Variants in PTPN4 observed in about 807,000 individuals in gnomAD.
PTPN4 encodes the protein tyrosine-protein phosphatase non-receptor type 4.
In PTPN4, 49 loss-of-function variants were observed where a neutral mutation model predicts 135.5. The observed-to-expected ratio is 0.36, with a 90% CI of 0.29 to 0.46. The LOEUF is 0.46. PTPN4 is among the 20% of genes least tolerant of loss of function. The pLI is 1.00. For missense variants in PTPN4, 860 were observed against 1,101.0 expected (o/e 0.78, Z 3.10); for synonymous variants, 333 against 369.9 (o/e 0.90, Z 1.14).
chr2:119,824,280 TG>T (rs905660016), intron 2 of PTPN4, among the ~76,000 whole-genome samples: 1 of 152,116 alleles, frequency 6.6e-6, no homozygotes, highest in South Asian at 2.1e-4. Context: ...CTACTCTTTT[TG>T]GGGGGGAGGC....
intron 3 of PTPN4, among the ~76,000 whole-genome samples, chr2:119,872,743 T>G (rs917932201): frequency 6.6e-6 from 1 of 152,156 alleles, no homozygotes; most frequent in African/African-American, 2.4e-5. Flanking sequence ...TGTTTTGAAC[T>G]TATATCACCC....
In PTPN4 at chr2:119,978,039, T is replaced by G. The variant is rs1179852049; in HGVS notation, c.*969T>G. The G allele has an allele frequency of 6.6e-6, 1 of 152,226 alleles. No homozygotes were observed. Among genetic ancestry groups the G allele is most frequent in the Non-Finnish European group, 1.5e-5 (1 of 68,036 alleles). The allele number at this position is 152,226 out of a possible 1,614,324, so 9.4% of individuals were successfully genotyped here. On this transcript the variant is annotated 3_prime_UTR_variant, in exon 27 of 27. Transcript: ENST00000263708. ...GATTTGCTATAAGAAGCAAAGATAA[T>G]TTGTGTTCTACTGAGTGCACACTGC...
chr2:119,771,962 C>T (rs1690742622), intron 1 of PTPN4, among the ~76,000 whole-genome samples: 1 of 152,140 alleles, frequency 6.6e-6, no homozygotes, highest in East Asian at 1.9e-4. Flanking sequence ...TGTTATCTCT[C>T]CATCTCTCTA....
chr2:119,943,709 C>G (rs978794573), intron 15 of PTPN4, among the ~76,000 whole-genome samples: 3 of 151,522 alleles, frequency 2.0e-5, no homozygotes, highest in South Asian at 2.1e-4. Flanking sequence ...CCTCAGCCCC[C>G]CCGAGTAGCT....
chr2:119,791,446 T>G (rs1254169507), intron 1 of PTPN4, among the ~76,000 whole-genome samples: 1 of 152,194 alleles, frequency 6.6e-6, no homozygotes, highest in Non-Finnish European at 1.5e-5. Flanking sequence ...TAATTACTCT[T>G]AACTGGTACT....
intron 1 of PTPN4, among the ~76,000 whole-genome samples, chr2:119,784,273 C>G (rs930592165): frequency 7.6e-6 from 1 of 131,706 alleles, no homozygotes; most frequent in African/African-American, 2.8e-5. Flanking sequence ...TGTAGACTCC[C>G]TTTTTTTTTT....
intron 3 of PTPN4, among the ~76,000 whole-genome samples, chr2:119,876,786 G>T (rs1403085462): frequency 6.6e-6 from 1 of 151,478 alleles, no homozygotes; most frequent in African/African-American, 2.4e-5. Context: ...TTTTTCAAAT[G>T]GGAGGTATTT....
intron 2 of PTPN4, among the ~76,000 whole-genome samples, chr2:119,834,450 T>C (rs184282065): frequency 1.3e-4 from 20 of 152,176 alleles, no homozygotes; most frequent in Admixed American, 1.3e-3. Context: ...TTGTTAATAT[T>C]ATCCAGCATG....
At chr2:119,877,596 A>C (rs1678004001) in intron 5 of PTPN4, 54 bp downstream of exon 5, 1 of 1,538,904 alleles carries the variant, frequency 6.5e-7, no homozygotes, top group African/African-American at 1.4e-5. Flanking sequence ...CTAATATGAA[A>C]TTTTGAAATT....
At chr2:119,804,143 C>A (rs1691425049) in intron 1 of PTPN4, among the ~76,000 whole-genome samples, 1 of 152,034 alleles carries the variant, frequency 6.6e-6, no homozygotes, top group African/African-American at 2.4e-5. Flanking sequence ...GACAGGGTTT[C>A]TGTCTGTCTC....
chr2:119,936,471 A>C (rs915298697), intron 15 of PTPN4, among the ~76,000 whole-genome samples: 1 of 152,114 alleles, frequency 6.6e-6, no homozygotes, highest in Non-Finnish European at 1.5e-5. Context: ...TGTTCTTGTG[A>C]TAATGAATGA....
intron 10 of PTPN4, among the ~76,000 whole-genome samples, chr2:119,906,133 A>T (rs1403047713): frequency 6.6e-6 from 1 of 152,208 alleles, no homozygotes; most frequent in East Asian, 1.9e-4. Flanking sequence ...TCAAGTAGAG[A>T]CTGTAAAAAT....
chr2:119,924,481 T>C (rs1574406770), intron 12 of PTPN4, among the ~76,000 whole-genome samples: 1 of 145,246 alleles, frequency 6.9e-6, no homozygotes, highest in African/African-American at 2.8e-5. Context: ...AAAAACAATT[T>C]TTTTGTTCTT....
intron 12 of PTPN4, among the ~76,000 whole-genome samples, chr2:119,922,642 T>C (rs77713896): frequency 0.039 from 5,951 of 152,294 alleles, 169 homozygotes; most frequent in Non-Finnish European, 0.056. Context: ...TAGTTTTCTT[T>C]CGTACGATAT....
intron 24 of PTPN4, among the ~76,000 whole-genome samples, chr2:119,963,454 A>G (rs1313260390): frequency 2.0e-5 from 3 of 152,210 alleles, no homozygotes; most frequent in Non-Finnish European, 4.4e-5. Flanking sequence ...GAAAGGGACT[A>G]AAAGAATAAC....
chr2:119,925,678 T>C (rs1339820937), intron 12 of PTPN4, among the ~76,000 whole-genome samples: 2 of 152,210 alleles, frequency 1.3e-5, no homozygotes, highest in Admixed American at 1.3e-4. Flanking sequence ...CCCTTCATAA[T>C]AAGCAGTGGT....
intron 19 of PTPN4, 50 bp from the exon 20 acceptor site, chr2:119,955,107 A>G (rs1389551974): frequency 6.8e-7 from 1 of 1,480,166 alleles, no homozygotes; most frequent in East Asian, 2.3e-5. Context: ...TATCGTGTGA[A>G]TTCATTAAGA....
At chr2:119,815,987 T>C (rs1021756264) in intron 2 of PTPN4, among the ~76,000 whole-genome samples, 1 of 152,238 alleles carries the variant, frequency 6.6e-6, no homozygotes, top group African/African-American at 2.4e-5. Flanking sequence ...AGGATTCCCT[T>C]GTGCTCCTCT....
At chr2:119,955,907 A>C (rs1449185861) in intron 20 of PTPN4, among the ~76,000 whole-genome samples, 1 of 152,054 alleles carries the variant, frequency 6.6e-6, no homozygotes, top group African/African-American at 2.4e-5. Context: ...ACTGCACTCC[A>C]GCCTGGGCGA....
Sources: gnomAD v4.1 joint callset for allele counts (sites outside exome capture counted in the v4.1 genomes callset) on GRCh38, gnomAD v4.1.1 for gene constraint, MANE v1.5 for transcripts, NCBI Gene and HGNC (gene_info 2026-07-23, HGNC 2026-07-21) for gene names.